PLCB1: variants seen among roughly 807,000 people sequenced by gnomAD.
The protein encoded by PLCB1 is 1-phosphatidylinositol 4,5-bisphosphate phosphodiesterase beta-1.
A neutral mutation model predicts 161.8 loss-of-function variants in PLCB1; 46 were observed. That is an observed-to-expected ratio of 0.28 (90% CI 0.22 to 0.36). PLCB1 has a LOEUF of 0.36. PLCB1 is among the 10% of genes least tolerant of loss of function. PLCB1 has a pLI of 1.00. For missense variants in PLCB1, 1,016 were observed against 1,472.5 expected (o/e 0.69, Z 5.07); for synonymous variants, 517 against 503.7 (o/e 1.03, Z -0.35).
At chr20:8,692,682 A>G (rs1044818228) in intron 10 of PLCB1, among the ~76,000 whole-genome samples, 10 of 152,176 alleles carry the variant, frequency 6.6e-5, no homozygotes, top group Non-Finnish European at 2.9e-5. Context: ...TGGAAGACCC[A>G]GGTGGTTTCT....
chr20:8,513,802 G>T (rs1983992713), intron 3 of PLCB1, among the ~76,000 whole-genome samples: 1 of 152,108 alleles, frequency 6.6e-6, no homozygotes, highest in East Asian at 1.9e-4. Flanking sequence ...TTGAGCTCAG[G>T]AGTTCAAGAC....
intron 31 of PLCB1, among the ~76,000 whole-genome samples, chr20:8,805,632 A>G (rs1984499177): frequency 6.6e-6 from 1 of 152,192 alleles, no homozygotes; most frequent in Admixed American, 6.5e-5. Context: ...AGCACATAAC[A>G]TGTGTTATCT....
intron 9 of PLCB1, among the ~76,000 whole-genome samples, chr20:8,672,776 A>G (rs912174941): frequency 4.6e-5 from 7 of 152,096 alleles, no homozygotes; most frequent in Non-Finnish European, 8.8e-5. Flanking sequence ...CAGAAATTTC[A>G]GTTAAATGAG....
chr20:8,453,494 T>C (rs1043029288), intron 3 of PLCB1, among the ~76,000 whole-genome samples: 6 of 152,210 alleles, frequency 3.9e-5, no homozygotes, highest in African/African-American at 1.4e-4. Flanking sequence ...TTTCATTCAA[T>C]GAATGTGGAC....
At chr20:8,877,627 C>T (rs1987824692) in intron 31 of PLCB1, among the ~76,000 whole-genome samples, 1 of 152,172 alleles carries the variant, frequency 6.6e-6, no homozygotes, top group African/African-American at 2.4e-5. Flanking sequence ...GTTTGCAACC[C>T]TTGGGCTGGA....
chr20:8,858,912 CAA>C (rs11482207), intron 31 of PLCB1, among the ~76,000 whole-genome samples: 15 of 111,514 alleles, frequency 1.3e-4, no homozygotes, highest in Admixed American at 3.0e-4. Flanking sequence ...TTTGAGTGTG[CAA>C]AAAAAAAAAA....
chr20:8,674,749 T>C (rs909257132), intron 9 of PLCB1, among the ~76,000 whole-genome samples: 3 of 152,174 alleles, frequency 2.0e-5, no homozygotes, highest in African/African-American at 7.2e-5. Context: ...AGCCTCGGTA[T>C]GAGAATGTCC....
At chr20:8,248,751 G>A (rs1333922200) in intron 2 of PLCB1, 1 of 151,920 alleles carries the variant, frequency 6.6e-6, no homozygotes, top group Non-Finnish European at 1.5e-5. Context: ...ACCTTCCCCA[G>A]TTAATCTTTT....
chr20:8,724,873 AT>A, intron 16 of PLCB1, 121 bp downstream of exon 16: 1 of 612,230 alleles, frequency 1.6e-6, no homozygotes, highest in Non-Finnish European at 2.9e-6. Flanking sequence ...GAAGTCTTAA[AT>A]ATATGTACAT....
intron 31 of PLCB1, among the ~76,000 whole-genome samples, chr20:8,826,261 C>T (rs866522310): frequency 6.6e-6 from 1 of 151,870 alleles, no homozygotes; most frequent in Non-Finnish European, 1.5e-5. Context: ...TTTGGGAGGC[C>T]GAGGCGGGTG....
At chr20:8,540,306 T>C (rs535036868) in intron 3 of PLCB1, among the ~76,000 whole-genome samples, 3 of 152,118 alleles carry the variant, frequency 2.0e-5, no homozygotes, top group South Asian at 4.2e-4. Context: ...GGGACTTCTC[T>C]TTTTTTTACT....
intron 3 of PLCB1, among the ~76,000 whole-genome samples, chr20:8,551,815 C>T (rs1985785650): frequency 6.6e-6 from 1 of 152,142 alleles, no homozygotes; most frequent in South Asian, 2.1e-4. Flanking sequence ...CTGATCACCT[C>T]CCAAATAAAC....
At chr20:8,417,943 G>T (rs1234144131) in intron 3 of PLCB1, among the ~76,000 whole-genome samples, 3 of 152,142 alleles carry the variant, frequency 2.0e-5, no homozygotes, top group African/African-American at 7.2e-5. Flanking sequence ...GCTGATCTTG[G>T]GTCACCTGGC....
intron 1 of PLCB1, among the ~76,000 whole-genome samples, chr20:8,134,591 G>T (rs952475483): frequency 6.6e-6 from 1 of 152,118 alleles, no homozygotes; most frequent in African/African-American, 2.4e-5. Flanking sequence ...GCCAATCCTA[G>T]ACTGGATTCT....
At chr20:8,659,063 T>A (rs1490713830) in intron 9 of PLCB1, among the ~76,000 whole-genome samples, 1 of 152,070 alleles carries the variant, frequency 6.6e-6, no homozygotes, top group Non-Finnish European at 1.5e-5. Flanking sequence ...GGCCCACAAG[T>A]TTTTCTAACG....
At chr20:8,274,141 T>C (rs1277894600) in intron 2 of PLCB1, among the ~76,000 whole-genome samples, 1 of 152,160 alleles carries the variant, frequency 6.6e-6, no homozygotes, top group Non-Finnish European at 1.5e-5. Context: ...TCTCAGTATT[T>C]TTTAAAGCGT....
intron 3 of PLCB1, among the ~76,000 whole-genome samples, chr20:8,606,277 T>C (rs1275243153): frequency 6.6e-6 from 1 of 152,218 alleles, no homozygotes; most frequent in East Asian, 1.9e-4. Context: ...AGTTAAAACA[T>C]GTTTTTATCA....
chr20:8,300,877 A>G (rs1475614320), intron 2 of PLCB1, among the ~76,000 whole-genome samples: 1 of 152,166 alleles, frequency 6.6e-6, no homozygotes, highest in Non-Finnish European at 1.5e-5. Context: ...GCCCCAGGCT[A>G]GAGTGCTGCT....
chr20:8,397,414 A>G (rs1039273754), intron 3 of PLCB1, among the ~76,000 whole-genome samples: 1 of 152,140 alleles, frequency 6.6e-6, no homozygotes, highest in African/African-American at 2.4e-5. Context: ...GCTTTTATCA[A>G]TTTTACATTT....
Sources: allele counts gnomAD v4.1 joint callset (sites outside exome capture counted in the v4.1 genomes callset), GRCh38; gene constraint gnomAD v4.1.1; transcripts MANE v1.5; gene names NCBI Gene and HGNC (gene_info 2026-07-23, HGNC 2026-07-21).